The following CHODL variants were observed in gnomAD, a reference collection of about 807,000 sequenced individuals.
CHODL encodes chondrolectin.
CHODL carries 29 observed loss-of-function variants against 34.5 expected under a neutral mutation model. That is an observed-to-expected ratio of 0.84 (90% CI 0.63 to 1.15). The LOEUF (loss-of-function observed/expected upper bound fraction) is 1.15, where lower values mean the gene tolerates loss of function less well. Ranked by LOEUF, CHODL falls within the 50% of genes most tolerant of loss-of-function variation. The pLI is 0.00. For missense variants in CHODL, 332 were observed against 332.5 expected, an observed-to-expected ratio of 1.00 and a Z score of 0.01; for synonymous variants, 125 against 116.1, an observed-to-expected ratio of 1.08 and a Z score of -0.49.
chr21:18,188,631 TG>T (rs373200431), intron 2 of CHODL, among the ~76,000 whole-genome samples: 13 of 152,348 alleles, frequency 8.5e-5, no homozygotes, highest in African/African-American at 3.1e-4. Context: ...AATTGGGATA[TG>T]TTGACGTTTT....
intron 1 of CHODL, among the ~76,000 whole-genome samples, chr21:18,019,482 T>C (rs1600901734): frequency 6.6e-6 from 1 of 152,150 alleles, no homozygotes; most frequent in Non-Finnish European, 1.5e-5. Flanking sequence ...TTCAGTTGTT[T>C]GTAATACAAA....
intron 2 of CHODL, among the ~76,000 whole-genome samples, chr21:18,033,181 A>G (rs1033618415): frequency 1.7e-4 from 26 of 152,026 alleles, no homozygotes; most frequent in African/African-American, 6.0e-4. Flanking sequence ...AAAATGCAAC[A>G]CAAAATATTT....
At chr21:17,933,959 C>G (rs1415158099) in intron 1 of CHODL, among the ~76,000 whole-genome samples, 1 of 151,496 alleles carries the variant, frequency 6.6e-6, no homozygotes, top group Non-Finnish European at 1.5e-5. Flanking sequence ...ATCACTTGAA[C>G]TGGGGAGGCA....
chr21:18,016,058 A>G lies in CHODL; in HGVS notation c.-144-11814A>G, dbSNP rs199808400. Among the ~76,000 whole-genome samples the G allele has an allele frequency of 1.2e-4, 18 of 152,354 alleles. No homozygotes were observed. In the East Asian group the frequency reaches 3.5e-3, roughly 29 times the overall value. ...AAACCCATCTTTCTGGGGAGGAATC[A>G]AGGCTGCAGAAATTTGCATAAGTAA... On this transcript the variant is annotated intron_variant, in intron 1 of 6. Coordinates refer to the CHODL transcript ENST00000400127.
chr21:17,975,879 A>C (rs1289050850), intron 1 of CHODL, among the ~76,000 whole-genome samples: 1 of 152,166 alleles, frequency 6.6e-6, no homozygotes, highest in African/African-American at 2.4e-5. Context: ...TATGTTCCTT[A>C]TTAGAACCCA....
intron 2 of CHODL, among the ~76,000 whole-genome samples, chr21:18,114,193 TAAAG>T (rs1329313500): frequency 1.3e-5 from 2 of 151,948 alleles, no homozygotes; most frequent in Non-Finnish European, 2.9e-5. Flanking sequence ...GATACAAAAA[TAAAG>T]AAAGAATGAA....
intron 1 of CHODL, among the ~76,000 whole-genome samples, chr21:18,006,456 C>T (rs557983260): frequency 9.2e-5 from 14 of 152,298 alleles, no homozygotes; most frequent in Non-Finnish European, 7.4e-5. Context: ...ACATTACTGC[C>T]ACTTCTGTTG....
chr21:18,063,034 G>C (rs2064688548), intron 2 of CHODL, among the ~76,000 whole-genome samples: 1 of 152,122 alleles, frequency 6.6e-6, no homozygotes, highest in Non-Finnish European at 1.5e-5. Flanking sequence ...GAATATGGCT[G>C]GTTTGATGAG....
intron 2 of CHODL, among the ~76,000 whole-genome samples, chr21:18,180,792 T>C (rs1371579934): frequency 6.6e-6 from 1 of 152,232 alleles, no homozygotes; most frequent in Non-Finnish European, 1.5e-5. Context: ...GTTTCGCATA[T>C]GGAATCAGCT....
At chr21:17,937,383 A>C (rs112538464) in intron 1 of CHODL, among the ~76,000 whole-genome samples, 1 of 152,216 alleles carries the variant, frequency 6.6e-6, no homozygotes, top group African/African-American at 2.4e-5. Context: ...CCAATTCTGA[A>C]TAATCCTCTG....
chr21:17,972,321 G>C (rs1035792980), intron 1 of CHODL, among the ~76,000 whole-genome samples: 4 of 152,138 alleles, frequency 2.6e-5, no homozygotes, highest in African/African-American at 9.7e-5. Context: ...GAAATAAAGG[G>C]TATTCAAATA....
chr21:18,069,366 G>A (rs1344514124), intron 2 of CHODL, among the ~76,000 whole-genome samples: 2 of 151,912 alleles, frequency 1.3e-5, no homozygotes, highest in East Asian at 3.9e-4. Flanking sequence ...TTTTATTGCT[G>A]TTTTTGCCTA....
At position 18,057,408 on chromosome 21, in the gene CHODL, C is replaced by T. The variant is rs556677666; in HGVS notation, c.-45+29437C>T. 1.6e-4 allele frequency among the ~76,000 whole-genome samples: 24 copies of T among 151,906 alleles called. No homozygotes were observed. The South Asian group carries it at 4.6e-3, about 29-fold the overall frequency. On this transcript the variant is annotated intron_variant, in intron 2 of 6. Coordinates refer to the CHODL transcript ENST00000400127. ...CAAAAATGTACATACAGAGAGTTCC[C>T]GTATACCTCTCGACCCCACACATTC...
At chr21:18,203,569 G>C (rs1048537907) in intron 2 of CHODL, among the ~76,000 whole-genome samples, 26 of 152,214 alleles carry the variant, frequency 1.7e-4, no homozygotes, top group African/African-American at 5.3e-4. Flanking sequence ...ATTTGGGTCT[G>C]TAATTATACT....
intron 2 of CHODL, among the ~76,000 whole-genome samples, chr21:18,218,830 C>T (rs1054089777): frequency 5.3e-5 from 8 of 152,132 alleles, no homozygotes; most frequent in South Asian, 2.1e-4. Flanking sequence ...CTTCAGTTCC[C>T]GGCAAGTTTC....
At chr21:18,082,201 C>T (rs1027726986) in intron 2 of CHODL, among the ~76,000 whole-genome samples, 6 of 152,170 alleles carry the variant, frequency 3.9e-5, no homozygotes, top group East Asian at 1.9e-4. Flanking sequence ...TCCCCCTTCA[C>T]TCCCTCTTTC....
At chr21:18,049,316 C>A (rs1484564153) in intron 2 of CHODL, among the ~76,000 whole-genome samples, 1 of 151,856 alleles carries the variant, frequency 6.6e-6, no homozygotes, top group Admixed American at 6.6e-5. Context: ...TTGCCAAACT[C>A]ATGGGAAAAT....
chr21:18,256,892 T>C (rs2074323485), intron 2 of CHODL, 74 bp downstream of exon 2: 18 of 1,580,324 alleles, frequency 1.1e-5, no homozygotes, highest in South Asian at 2.3e-5. Context: ...CTGTTACCTG[T>C]AGAGGATGTC....
chr21:18,254,875 T>C (rs1271511097), intron 1 of CHODL, among the ~76,000 whole-genome samples: 1 of 152,140 alleles, frequency 6.6e-6, no homozygotes, highest in Non-Finnish European at 1.5e-5. Flanking sequence ...TTTGAGATTT[T>C]TTTTTCAAAC....
Sources: allele counts gnomAD v4.1 joint callset (sites outside exome capture counted in the v4.1 genomes callset), GRCh38; gene constraint gnomAD v4.1.1; transcripts MANE v1.5; gene names NCBI Gene and HGNC (gene_info 2026-07-23, HGNC 2026-07-21).